CLTCL1: variants seen among roughly 807,000 people sequenced by gnomAD.
CLTCL1 encodes the protein clathrin heavy chain 2.
CLTCL1 carries 159 observed loss-of-function variants against 190.0 expected under a neutral mutation model. The ratio of observed to expected loss-of-function variants is 0.84; its 90% CI spans 0.74 to 0.95. The LOEUF (loss-of-function observed/expected upper bound fraction) is 0.95. Ranked by LOEUF, CLTCL1 falls within the 40% of genes least tolerant of loss-of-function variation. The pLI, the probability that CLTCL1 is intolerant of heterozygous loss-of-function variation, is 0.00. For synonymous variants in CLTCL1, 752 were observed against 769.6 expected, an observed-to-expected ratio of 0.98 and a Z score of 0.38; for missense variants, 1,878 against 2,033.4, an observed-to-expected ratio of 0.92 and a Z score of 1.47.
chr22:19,278,577 C>A (rs1247861235), intron 1 of CLTCL1, among the ~76,000 whole-genome samples: 1 of 152,148 alleles, frequency 6.6e-6, no homozygotes, highest in Non-Finnish European at 1.5e-5. Flanking sequence ...AACCAGGAAA[C>A]CACATTATCA....
Position 19,229,592 on chromosome 22 carries a change from T to C in CLTCL1, c.1782+246A>G, listed in dbSNP as rs564311758. 1.2e-3 allele frequency among the ~76,000 whole-genome samples: 178 copies of C among 152,366 alleles called. 1 individual carries two copies. Among genetic ancestry groups the C allele is most frequent in the African/African-American group, 3.9e-3 (164 of 41,584 alleles). ...ATGGTAAATTTGGTTATGTATATTT[T>C]ACCACAATGAAAAAAAGAAGAAAGG... On this transcript the variant is annotated intron_variant, in intron 11 of 32. Transcript: ENST00000427926.
intron 3 of CLTCL1, among the ~76,000 whole-genome samples, chr22:19,246,950 T>G (rs2086438284): frequency 6.6e-6 from 1 of 152,208 alleles, no homozygotes; most frequent in Non-Finnish European, 1.5e-5. Flanking sequence ...GGTTGTCTTT[T>G]CACTTTATTG....
Position 19,226,244 on chromosome 22 carries a change from A to G in CLTCL1, c.1922T>C (p.Val641Ala). 1 of 1,613,940 alleles carries G rather than the reference A, an allele frequency of 6.2e-7. No homozygotes were observed. Among genetic ancestry groups the G allele is most frequent in the Non-Finnish European group, 8.5e-7 (1 of 1,179,874 alleles). The change falls in exon 12 of 33, where the codon GTC becomes GCC. Residue 641 changes from valine to alanine, a missense_variant. Physicochemically the swap from Val to Ala is moderately conservative, Grantham distance 64 (BLOSUM62 0). Transcript: ENST00000427926. The stretch of plus-strand genomic sequence containing the variant: ...CTCGGGATTGAGGAGGTGAGTGTGG[A>G]CCACAGCCCTCTTGATGTCATAGAG... ...TDLYDIKRAV[V>A]HTHLLNPEWL...
rs1287808890 is a variant in CLTCL1 at position 19,291,692 on chromosome 22, C to T, written c.-51G>A. 48 of 1,323,096 alleles carry T rather than the reference C, an allele frequency of 3.6e-5. No homozygotes were observed. Among genetic ancestry groups the T allele is most frequent in the Non-Finnish European group, 4.1e-5 (42 of 1,027,140 alleles). The allele number at this position is 1,323,096 out of a possible 1,614,324, so 82.0% of individuals were successfully genotyped here. ...CGGCGGCAGCGGCAGGAATGAACGC[C>T]GACCCCTCGCGCGGGCTGACCGGTG... On this transcript the variant is annotated 5_prime_UTR_variant, in exon 1 of 33. Transcript: ENST00000427926.
At chr22:19,220,791 TA>T (rs1555951861) in intron 17 of CLTCL1, among the ~76,000 whole-genome samples, 1 of 152,212 alleles carries the variant, frequency 6.6e-6, no homozygotes, top group Non-Finnish European at 1.5e-5. Flanking sequence ...ATCAAATGAT[TA>T]GGTAGGAACA....
chr22:19,221,646 G>A (rs1168199315), intron 16 of CLTCL1, 35 bp from the exon 17 acceptor site: 6 of 1,505,646 alleles, frequency 4.0e-6, no homozygotes, highest in Non-Finnish European at 5.4e-6. Context: ...AAGTCTCAAG[G>A]CTACCACTGG....
At chr22:19,278,771 T>C (rs1234001159) in intron 1 of CLTCL1, among the ~76,000 whole-genome samples, 1 of 152,214 alleles carries the variant, frequency 6.6e-6, no homozygotes, top group Non-Finnish European at 1.5e-5. Context: ...AGACGGAGTC[T>C]AGCCCTGTCC....
chr22:19,260,862 T>C (rs2146167062), intron 2 of CLTCL1, among the ~76,000 whole-genome samples: 1 of 150,926 alleles, frequency 6.6e-6, no homozygotes, highest in African/African-American at 2.4e-5. Context: ...AGAGTCGTGA[T>C]GATAGTACAT....
At chr22:19,217,077 G>A (rs1555949868) in intron 18 of CLTCL1, among the ~76,000 whole-genome samples, 1 of 152,166 alleles carries the variant, frequency 6.6e-6, no homozygotes, top group Admixed American at 6.5e-5. Flanking sequence ...CTAGGGTCAA[G>A]GTCAGTCCAG....
At chr22:19,241,802 G>A (rs1230645178) in intron 4 of CLTCL1, among the ~76,000 whole-genome samples, 2 of 152,124 alleles carry the variant, frequency 1.3e-5, no homozygotes, top group Non-Finnish European at 2.9e-5. Flanking sequence ...ACTGGCTCCT[G>A]GGCACAGTCT....
Position 19,198,685 on chromosome 22 carries a change from C to T in CLTCL1, c.3873+1049G>A, listed in dbSNP as rs1046441708. ...CCCTTTATGAAACTCCATCCAGGCA[C>T]TCCTATGCCCTCAAACCGGCTCCAT... On this transcript the variant is annotated intron_variant, in intron 24 of 32. Transcript: ENST00000427926. This position sits in a 1 kb window ranked among gnomAD's most constrained non-coding sequence, Gnocchi z 4.1. Among the ~76,000 whole-genome samples the T allele has an allele frequency of 6.6e-6, 1 of 152,180 alleles. No individual in the cohort carries two copies. Among genetic ancestry groups the T allele is most frequent in the South Asian group, 2.1e-4 (1 of 4,830 alleles).
chr22:19,270,194 T>C (rs782721829), intron 2 of CLTCL1, among the ~76,000 whole-genome samples: 1 of 152,132 alleles, frequency 6.6e-6, no homozygotes, highest in Non-Finnish European at 1.5e-5. Flanking sequence ...AAAAACACTA[T>C]GCTAGGTAAA....
At position 19,240,321 on chromosome 22, in the gene CLTCL1, C is replaced by T. The variant is rs12628109; in HGVS notation, c.682-933G>A. On this transcript the variant is annotated intron_variant, in intron 4 of 32. Coordinates refer to ENST00000427926, the MANE Select transcript of CLTCL1 (RefSeq NM_007098.4). ...ACTAACACAAGTCCACAACAAAATC[C>T]AAAATGAAGGGTAAGAGACACAAAA... is the stretch of plus-strand genomic sequence containing the variant. 9.4e-3 allele frequency among the ~76,000 whole-genome samples: 1,432 copies of T among 152,088 alleles called. 35 individuals are homozygous for T. The highest frequency in any genetic ancestry group is 0.068 in the East Asian group (355 of 5,188).
chr22:19,260,208 C>T (rs183802835), intron 2 of CLTCL1, among the ~76,000 whole-genome samples: 15 of 152,294 alleles, frequency 9.8e-5, no homozygotes, highest in East Asian at 3.9e-4. Flanking sequence ...TAGCATAAAA[C>T]GGCAAGGTGA....
In CLTCL1 at chr22:19,180,713, G is replaced by A. The variant is rs781869969; in HGVS notation, c.4903+18C>T. 1.2e-6 allele frequency: 2 copies of A among 1,613,210 alleles called. No individual in the cohort carries two copies. The highest frequency in any genetic ancestry group is 1.7e-6 in the Non-Finnish European group (2 of 1,179,416). On this transcript the variant is annotated intron_variant, in intron 31 of 32. Transcript: ENST00000427926. ...CTGCTCCCTCCCCAGGGGGTTGGGG[G>A]CTACAGGTGCCACCTACCAAACACG...
At position 19,252,116 on chromosome 22, in the gene CLTCL1, C is replaced by T. The variant is rs532759543; in HGVS notation, c.519+1843G>A. On this transcript the variant is annotated intron_variant, in intron 3 of 32. Transcript: ENST00000427926. ...TTCTTAACCTTTCTCATACATGTCT[C>T]TATTCCAGAACAGACTACATGGTTT... is the stretch of plus-strand genomic sequence containing the variant. Among the ~76,000 whole-genome samples, 3 of 152,328 alleles carry T rather than the reference C, an allele frequency of 2.0e-5. No individual in the cohort carries two copies. The South Asian group carries it at 6.2e-4, about 32-fold the overall frequency.
chr22:19,236,273 T>A (rs1227628765), intron 5 of CLTCL1, among the ~76,000 whole-genome samples: 1 of 152,224 alleles, frequency 6.6e-6, no homozygotes, highest in Non-Finnish European at 1.5e-5. Flanking sequence ...TCCAATAAAC[T>A]CAGGCTACTC....
chr22:19,210,438 C>T lies in CLTCL1; in HGVS notation c.3137G>A (p.Arg1046His), dbSNP rs191966359. Residue 1046 changes from arginine to histidine, a missense_variant, in exon 20 of 33, where the codon CGC becomes CAC. Transcript: ENST00000427926. Reference sequence around the variant, plus strand: ...GTCCAGTGCGTCATAGTTGTCCAGGCGGCTGATGTACTCCATGACCCGTGT... The same window carrying T: ...GTCCAGTGCGTCATAGTTGTCCAGGTGGCTGATGTACTCCATGACCCGTGT... ...DRTRVMEYIS[R>H]LDNYDALDIA... is the part of the protein sequence containing the mutation. 7.4e-6 allele frequency: 12 copies of T among 1,613,986 alleles called. No homozygotes were observed. The highest frequency in any genetic ancestry group is 1.7e-4 in the Middle Eastern group (1 of 6,060).
chr22:19,220,365 C>T (rs1555951689), intron 17 of CLTCL1, among the ~76,000 whole-genome samples: 1 of 152,180 alleles, frequency 6.6e-6, no homozygotes, highest in Non-Finnish European at 1.5e-5. Flanking sequence ...AGGAACTAAA[C>T]TGGTAATTTT....
Sources: allele counts gnomAD v4.1 joint callset (sites outside exome capture counted in the v4.1 genomes callset), GRCh38; gene constraint gnomAD v4.1.1; non-coding constraint Gnocchi (gnomAD v3.1); transcripts MANE v1.5; gene names NCBI Gene and HGNC (gene_info 2026-07-23, HGNC 2026-07-21).